NTM: variants seen among roughly 807,000 people sequenced by gnomAD.
The protein encoded by NTM is IgLON family member 2.
Under a neutral mutation model 42.1 loss-of-function variants are expected in NTM, and 13 were observed. That is an observed-to-expected ratio of 0.31 (90% CI 0.20 to 0.49). The LOEUF is 0.49. Ranked by LOEUF, NTM falls within the 20% of genes least tolerant of loss-of-function variation. The pLI, the probability that NTM is intolerant of heterozygous loss-of-function variation, is 0.99. For synonymous variants in NTM, 187 were observed against 179.2 expected (o/e 1.04, Z -0.35); for missense variants, 373 against 452.8 (o/e 0.82, Z 1.60).
chr11:131,551,421 C>CA (rs543963237), intron 1 of NTM, among the ~76,000 whole-genome samples: 3,312 of 86,784 alleles, frequency 0.038, 98 homozygotes, highest in African/African-American at 0.098. Flanking sequence ...GAGGTTCCTC[C>CA]AAAAAAAAAA....
intron 4 of NTM, among the ~76,000 whole-genome samples, chr11:132,220,282 A>G (rs577045991): frequency 3.2e-4 from 48 of 152,334 alleles, no homozygotes; most frequent in African/African-American, 1.1e-3. Flanking sequence ...TTAAACACAG[A>G]CAGGCAGACC....
At chr11:131,861,665 A>G (rs2136961572) in intron 1 of NTM, among the ~76,000 whole-genome samples, 1 of 152,318 alleles carries the variant, frequency 6.6e-6, no homozygotes, top group South Asian at 2.1e-4. Flanking sequence ...TACAATTGGA[A>G]AATGAATTAG....
chr11:132,294,002 G>A (rs953174041), intron 4 of NTM, among the ~76,000 whole-genome samples: 3 of 152,128 alleles, frequency 2.0e-5, no homozygotes, highest in Admixed American at 6.5e-5. Context: ...GTGGTAACTG[G>A]AGCTGATACC....
chr11:131,917,185 G>A (rs560892788), intron 2 of NTM, among the ~76,000 whole-genome samples: 7 of 152,314 alleles, frequency 4.6e-5, no homozygotes, highest in East Asian at 3.9e-4. Flanking sequence ...AGTGTCTGGC[G>A]GATAGAAGGT....
At chr11:131,886,898 G>A (rs2050497537) in intron 1 of NTM, among the ~76,000 whole-genome samples, 1 of 152,208 alleles carries the variant, frequency 6.6e-6, no homozygotes, top group South Asian at 2.1e-4. Flanking sequence ...TGCCTACTGT[G>A]CGTTAGGCAC....
intron 1 of NTM, among the ~76,000 whole-genome samples, chr11:131,492,858 C>T (rs1954940909): frequency 6.6e-6 from 1 of 152,078 alleles, no homozygotes; most frequent in African/African-American, 2.4e-5. Context: ...AAAGTGTAGT[C>T]TTAAGCTGCA....
intron 2 of NTM, among the ~76,000 whole-genome samples, chr11:132,089,594 TG>T (rs775216340): frequency 2.2e-4 from 33 of 152,366 alleles, no homozygotes; most frequent in Non-Finnish European, 4.3e-4. Context: ...AACAAATTGA[TG>T]TGAATATCCT....
chr11:131,943,559 C>A (rs1234002510), intron 2 of NTM, among the ~76,000 whole-genome samples: 1 of 152,316 alleles, frequency 6.6e-6, no homozygotes, highest in East Asian at 1.9e-4. Context: ...GTGAAAGAGA[C>A]CAGTGGGGCA....
At chr11:131,789,517 AG>A (rs1313615796) in intron 1 of NTM, among the ~76,000 whole-genome samples, 2 of 21,504 alleles carry the variant, frequency 9.3e-5, no homozygotes, top group Non-Finnish European at 1.6e-4. Context: ...AAGAAGAAGA[AG>A]AAGAAGAAGA....
At chr11:132,255,644 C>T (rs1223675370) in intron 4 of NTM, among the ~76,000 whole-genome samples, 2 of 152,194 alleles carry the variant, frequency 1.3e-5, no homozygotes, top group South Asian at 2.1e-4. Flanking sequence ...AACAGGTAAG[C>T]CAGCAAATAG....
At chr11:132,314,731 A>AAGAGGGGAGAGGGTGCAGAACGGG (rs1565458560) in intron 7 of NTM, 28 bp downstream of exon 7, 1 of 1,598,624 alleles carries the variant, frequency 6.3e-7, no homozygotes, top group East Asian at 2.3e-5. Context: ...GCTGGGCAAG[A>AAGAGGGGAGAGGGTGCAGAACGGG]AGAGGGGAGA....
intron 1 of NTM, among the ~76,000 whole-genome samples, chr11:131,789,524 GAAGAAGAAGAAGAAGAAGAAGA>G (rs2090190407): frequency 4.5e-5 from 1 of 22,058 alleles, no homozygotes; most frequent in African/African-American, 2.5e-4. Context: ...AGAAGAAGAA[GAAGAAGAAGAAGAAGAAGAAGA>G]AAAGAAGAAG....
chr11:131,588,529 G>A (rs2059080476), intron 1 of NTM, among the ~76,000 whole-genome samples: 1 of 152,230 alleles, frequency 6.6e-6, no homozygotes, highest in African/African-American at 2.4e-5. Context: ...TTTTATAGAT[G>A]CTGGATCTGG....
Position 131,411,568 on chromosome 11 carries a change from TG to T in NTM, c.82+40681del, listed in dbSNP as rs1213770295. On this transcript the variant is annotated intron_variant, in intron 1 of 8. Coordinates refer to ENST00000683400, the MANE Select transcript of NTM (RefSeq NM_001352005.2). ...GTGTGTGTGTGTGTGTGTGTGTGTG[TG>T]TGTGTGTGTGTGTGTGTGTACTTGA... 8.0e-3 allele frequency among the ~76,000 whole-genome samples: 1,213 copies of T among 151,242 alleles called. 19 individuals carry two copies. The highest frequency in any genetic ancestry group is 0.027 in the African/African-American group (1,123 of 41,168).
intron 1 of NTM, among the ~76,000 whole-genome samples, chr11:131,470,510 G>A (rs947491624): frequency 1.3e-5 from 2 of 152,160 alleles, no homozygotes; most frequent in Admixed American, 6.5e-5. Flanking sequence ...ACTGGCACAC[G>A]TTGCTACTGT....
At chr11:131,568,949 T>G (rs2057170504) in intron 1 of NTM, among the ~76,000 whole-genome samples, 1 of 152,182 alleles carries the variant, frequency 6.6e-6, no homozygotes, top group Non-Finnish European at 1.5e-5. Flanking sequence ...TTCACCTGTT[T>G]GAAGTATCCA....
At chr11:132,006,271 A>G (rs1565931860) in intron 2 of NTM, among the ~76,000 whole-genome samples, 1 of 152,184 alleles carries the variant, frequency 6.6e-6, no homozygotes, top group Non-Finnish European at 1.5e-5. Flanking sequence ...AGAAAGCTTG[A>G]GGGGAGAGGG....
At chr11:132,133,512 G>A (rs1053469212) in intron 2 of NTM, among the ~76,000 whole-genome samples, 10 of 152,290 alleles carry the variant, frequency 6.6e-5, no homozygotes, top group African/African-American at 2.2e-4. Flanking sequence ...TGCCTGAAGT[G>A]AAGTTTAAGG....
chr11:131,588,848 C>T (rs2059110820), intron 1 of NTM, among the ~76,000 whole-genome samples: 1 of 152,186 alleles, frequency 6.6e-6, no homozygotes, highest in African/African-American at 2.4e-5. Context: ...AAGACATTAA[C>T]TGCTTGATGA....
Sources: allele counts gnomAD v4.1 joint callset (sites outside exome capture counted in the v4.1 genomes callset), GRCh38; gene constraint gnomAD v4.1.1; transcripts MANE v1.5; gene names NCBI Gene and HGNC (gene_info 2026-07-23, HGNC 2026-07-21).